ERICH1: variants seen among roughly 807,000 people sequenced by gnomAD.
The protein encoded by ERICH1 is glutamate rich 1.
Under a neutral mutation model 39.6 loss-of-function variants are expected in ERICH1, and 56 were observed. The observed-to-expected ratio is 1.41, with a 90% CI of 1.14 to 1.77. The LOEUF (loss-of-function observed/expected upper bound fraction) is 1.77, where lower values mean the gene tolerates loss of function less well. Among genes scored for constraint, ERICH1 ranks in the 40% most tolerant of loss-of-function variants. The pLI, the probability that ERICH1 is intolerant of heterozygous loss-of-function variation, is 0.00. For synonymous variants in ERICH1, 313 were observed against 223.6 expected, an observed-to-expected ratio of 1.40 and a Z score of -3.57; for missense variants, 826 against 575.4, an observed-to-expected ratio of 1.44 and a Z score of -4.45.
chr8:652,884 C>G (rs768267612), intron 3 of ERICH1, among the ~76,000 whole-genome samples: 6 of 152,198 alleles, frequency 3.9e-5, no homozygotes, highest in Non-Finnish European at 7.3e-5. Context: ...AAATGCAAAT[C>G]AAAACCACGA....
intron 3 of ERICH1, chr8:625,794 C>T (rs910761700): frequency 1.3e-5 from 2 of 152,204 alleles, no homozygotes; most frequent in Non-Finnish European, 2.9e-5. Flanking sequence ...TGTCCCGCCT[C>T]GCCGGGCAAT....
At chr8:631,892 G>C (rs1171180580) in intron 3 of ERICH1, among the ~76,000 whole-genome samples, 1 of 152,052 alleles carries the variant, frequency 6.6e-6, no homozygotes, top group East Asian at 1.9e-4. Flanking sequence ...TGCTGTACTT[G>C]TTTCTAGAGG....
intron 3 of ERICH1, among the ~76,000 whole-genome samples, chr8:620,099 G>A (rs991523197): frequency 2.6e-5 from 4 of 151,612 alleles, no homozygotes; most frequent in African/African-American, 9.7e-5. Flanking sequence ...GGATCACGAG[G>A]TCAGGAGTTC....
In ERICH1 at chr8:673,269, A is replaced by T; in HGVS notation, c.1063+20T>A. On this transcript the variant is annotated intron_variant, in intron 4 of 5. Coordinates refer to ENST00000262109, the MANE Select transcript of ERICH1 (RefSeq NM_207332.3). Reference sequence around the variant, plus strand: ...TTAAGTGGATGTCACTATGCAAGAGAAAAACAGTAAAAAACATACCGTCAT... The same window carrying T: ...TTAAGTGGATGTCACTATGCAAGAGTAAAACAGTAAAAAACATACCGTCAT... 2 of 1,578,602 alleles carry T rather than the reference A, an allele frequency of 1.3e-6. 1 individual carries two copies. The highest frequency in any genetic ancestry group is 2.3e-5 in the South Asian group (2 of 86,904).
intron 4 of ERICH1, among the ~76,000 whole-genome samples, chr8:672,789 G>A (rs1352255459): frequency 9.2e-5 from 14 of 152,244 alleles, no homozygotes; most frequent in Non-Finnish European, 1.3e-4. Context: ...AATAATGCAT[G>A]CTGAGAAATC....
At chr8:706,884 T>C (rs1813402169) in intron 2 of ERICH1, among the ~76,000 whole-genome samples, 1 of 152,238 alleles carries the variant, frequency 6.6e-6, no homozygotes, top group Admixed American at 6.5e-5. Flanking sequence ...AGCTAGGGAC[T>C]GGACAATGTA....
At chr8:712,053 G>T (rs1306464993) in intron 2 of ERICH1, among the ~76,000 whole-genome samples, 3 of 152,102 alleles carry the variant, frequency 2.0e-5, no homozygotes, top group Non-Finnish European at 2.9e-5. Flanking sequence ...TAGATTTCTG[G>T]TAAGTAACTC....
chr8:663,984 C>T (rs1016791472), downstream of ERICH1, among the ~76,000 whole-genome samples: 2 of 152,200 alleles, frequency 1.3e-5, no homozygotes, highest in Non-Finnish European at 2.9e-5. Flanking sequence ...TGCTCTCGAT[C>T]TCCTGACGTT....
In ERICH1 at chr8:673,695, T is replaced by G. The variant is rs1414220040; in HGVS notation, c.657A>C (p.Thr219=). The part of the protein sequence containing the change: ...DGVDTSEEDP[T]LAGEEDVKDT... ...CTTTAACGTCTTCCTCCCCGGCCAG[T>G]GTCGGGTCTTCCTCGCTGGTGTCCA... Residue 219 remains threonine (T), a synonymous_variant, in exon 4 of 6, where the codon ACA becomes ACC. Coordinates refer to ENST00000262109, the MANE Select transcript of ERICH1 (RefSeq NM_207332.3). The G allele has an allele frequency of 6.2e-7, 1 of 1,614,020 alleles. No homozygotes were observed. Among genetic ancestry groups the G allele is most frequent in the East Asian group, 2.2e-5 (1 of 44,886 alleles).
At chr8:640,022 A>G (rs569876013) in intron 3 of ERICH1, among the ~76,000 whole-genome samples, 5 of 152,330 alleles carry the variant, frequency 3.3e-5, no homozygotes, top group African/African-American at 1.2e-4. Context: ...TGCCCGTGAC[A>G]TGTCCCAAGC....
In ERICH1 at chr8:700,435, G is replaced by A. The variant is rs1168625915; in HGVS notation, c.170-7823C>T. 6.4e-5 allele frequency among the ~76,000 whole-genome samples: 5 copies of A among 78,696 alleles called. 1 individual carries two copies. The highest frequency in any genetic ancestry group is 1.4e-4 in the African/African-American group (3 of 22,136). 51.6% of individuals were successfully genotyped at this position (78,696 alleles called of 152,430 possible). A position where few individuals can be genotyped will look rare whatever the true frequency, so the allele number is the denominator to read the frequency against. On this transcript the variant is annotated intron_variant, in intron 2 of 5. Coordinates refer to ENST00000262109, the MANE Select transcript of ERICH1 (RefSeq NM_207332.3). ...CGCACAGGCCCGCAGACGCGCACAG[G>A]CCCTCACAGGCCACAGACCCGCACA...
intron 1 of ERICH1, among the ~76,000 whole-genome samples, chr8:716,352 G>C (rs1208550317): frequency 6.6e-6 from 1 of 152,266 alleles, no homozygotes; most frequent in Non-Finnish European, 1.5e-5. Flanking sequence ...GCACATGCAG[G>C]CCATGACCCC....
At chr8:619,672 G>C (rs77333631) in intron 3 of ERICH1, among the ~76,000 whole-genome samples, 5,895 of 152,134 alleles carry the variant, frequency 0.039, 342 homozygotes, top group African/African-American at 0.13. Flanking sequence ...ATTATATACA[G>C]TAGTAATTAT....
At position 673,482 on chromosome 8, in the gene ERICH1, A is replaced by C. The variant is rs978489169; in HGVS notation, c.870T>G (p.Gly290=). ...EDLTRAGEED[G]KDTREEDGAD... Reference sequence around the variant, plus strand: ...CACCGTCCTCCTCCCTGGTGTCTTTACCGTCTTCCTCCCCGGCCCGTGTCA... The same window carrying C: ...CACCGTCCTCCTCCCTGGTGTCTTTCCCGTCTTCCTCCCCGGCCCGTGTCA... Residue 290 remains glycine, a synonymous_variant, in exon 4 of 6, where the codon GGT becomes GGG. Transcript: ENST00000262109. The C allele has an allele frequency of 6.2e-7, 1 of 1,608,372 alleles. No individual in the cohort carries two copies. The highest frequency in any genetic ancestry group is 2.2e-5 in the East Asian group (1 of 44,626).
At chr8:634,120 A>G (rs868014474) in intron 3 of ERICH1, among the ~76,000 whole-genome samples, 17 of 150,518 alleles carry the variant, frequency 1.1e-4, no homozygotes, top group Non-Finnish European at 2.2e-4. Context: ...CAAATCATGC[A>G]TCTAGTAAGG....
intron 3 of ERICH1, among the ~76,000 whole-genome samples, chr8:657,234 GGGCTTCT>G (rs1459237970): frequency 6.6e-6 from 1 of 152,184 alleles, no homozygotes; most frequent in Non-Finnish European, 1.5e-5. Context: ...AACCTGAGAG[GGGCTTCT>G]GCCCGATTTC....
intron 3 of ERICH1, among the ~76,000 whole-genome samples, chr8:648,923 C>T (rs1799620365): frequency 1.4e-5 from 1 of 69,164 alleles, no homozygotes; most frequent in African/African-American, 3.6e-5. Context: ...TGTCATTTCC[C>T]ATAAATCTAT....
At chr8:709,377 G>C (rs73521174) in intron 2 of ERICH1, among the ~76,000 whole-genome samples, 66,922 of 151,854 alleles carry the variant, frequency 0.44, 14,984 homozygotes, top group Non-Finnish European at 0.47. Flanking sequence ...CTCACCCTGG[G>C]GGGTTCAGCC....
chr8:637,196 G>C (rs1394524638), intron 3 of ERICH1, among the ~76,000 whole-genome samples: 2 of 152,212 alleles, frequency 1.3e-5, no homozygotes, highest in African/African-American at 4.8e-5. Flanking sequence ...AAACAGGCTG[G>C]ATCTGGCCAC....
Sources: allele counts gnomAD v4.1 joint callset (sites outside exome capture counted in the v4.1 genomes callset), GRCh38; gene constraint gnomAD v4.1.1; transcripts MANE v1.5; gene names NCBI Gene and HGNC (gene_info 2026-07-23, HGNC 2026-07-21).